SCN3A: variants seen among roughly 807,000 people sequenced by gnomAD.
SCN3A encodes sodium voltage-gated channel alpha subunit 3.
Under a neutral mutation model 187.6 loss-of-function variants are expected in SCN3A, and 60 were observed. The ratio of observed to expected loss-of-function variants is 0.32; its 90% CI spans 0.26 to 0.40. The LOEUF (loss-of-function observed/expected upper bound fraction) is 0.40. Ranked by LOEUF, SCN3A falls within the 10% of genes least tolerant of loss-of-function variation. The pLI is 1.00. For synonymous variants in SCN3A, 788 were observed against 829.2 expected, an observed-to-expected ratio of 0.95 and a Z score of 0.85; for missense variants, 1,601 against 2,428.2, an observed-to-expected ratio of 0.66 and a Z score of 7.16.
chr2:165,147,625 C>T (rs1688435152), intron 11 of SCN3A, among the ~76,000 whole-genome samples: 1 of 152,092 alleles, frequency 6.6e-6, no homozygotes, highest in African/African-American at 2.4e-5. Context: ...ATGTTACTCC[C>T]AGAGAATTTA....
intron 1 of SCN3A, among the ~76,000 whole-genome samples, chr2:165,202,699 G>A (rs1692396500): frequency 6.6e-6 from 1 of 152,022 alleles, no homozygotes; most frequent in Non-Finnish European, 1.5e-5. Context: ...CTTTTAGCCA[G>A]TACTGACTGG....
At chr2:165,126,171 T>C (rs1290415790) in intron 18 of SCN3A, among the ~76,000 whole-genome samples, 1 of 152,200 alleles carries the variant, frequency 6.6e-6, no homozygotes, top group Non-Finnish European at 1.5e-5. Context: ...GTGTCAACAT[T>C]ATACCCTCAA....
intron 15 of SCN3A, among the ~76,000 whole-genome samples, chr2:165,134,896 TA>T (rs1444872755): frequency 6.6e-6 from 1 of 152,006 alleles, no homozygotes; most frequent in East Asian, 1.9e-4. Flanking sequence ...TCAGCTCTTC[TA>T]AAATGACTAG....
chr2:165,126,600 G>GTTCC (rs59251454), intron 18 of SCN3A, among the ~76,000 whole-genome samples: 22,538 of 86,476 alleles, frequency 0.26, 2,482 homozygotes, highest in Middle Eastern at 0.43. Flanking sequence ...CCCTCCCTTC[G>GTTCC]TTCCTTCCTT....
At position 165,140,839 on chromosome 2, in the gene SCN3A, G is replaced by A. The variant is rs140885623; in HGVS notation, c.1831C>T (p.Leu611=). ...FEDSESRRDS[L]FVPHRHGERR... ...TCTCCATGTCTGTGCGGCACAAACAGTGAGTCTCTCCTGCTTTCGCTGTCT... is the reference window on the plus strand; with the variant it reads ...TCTCCATGTCTGTGCGGCACAAACAATGAGTCTCTCCTGCTTTCGCTGTCT... The change falls in exon 13 of 28, where the codon CTG becomes TTG. Residue 611 remains leucine, a synonymous_variant. Transcript: ENST00000283254. The surrounding 1 kb of genome is among the most constrained non-coding windows in gnomAD (Gnocchi z 4.2). 17 of 1,614,058 alleles carry A rather than the reference G, an allele frequency of 1.1e-5. No homozygotes were observed. The African/African-American group carries it at 1.7e-4, about 16-fold the overall frequency.
At chr2:165,094,511 T>G (rs1051581246) in intron 25 of SCN3A, 33 bp from the exon 26 acceptor site, 1 of 1,398,584 alleles carries the variant, frequency 7.2e-7, no homozygotes, top group Non-Finnish European at 1.0e-6. Flanking sequence ...GTTACAATTC[T>G]GTGTTCCAAT....
At chr2:165,117,254 A>G (rs1559197592) in intron 18 of SCN3A, among the ~76,000 whole-genome samples, 1 of 152,136 alleles carries the variant, frequency 6.6e-6, no homozygotes, top group East Asian at 1.9e-4. Context: ...AGTAATAACA[A>G]TAAGAAACCA....
intron 12 of SCN3A, 95 bp from the exon 13 acceptor site, chr2:165,141,093 GGA>G: frequency 1.3e-6 from 1 of 771,946 alleles, no homozygotes; most frequent in Non-Finnish European, 2.1e-6. Context: ...TGTTTTCTTT[GGA>G]GTTAGTATAC....
chr2:165,160,464 A>G (rs1689293190), intron 9 of SCN3A, among the ~76,000 whole-genome samples: 1 of 152,146 alleles, frequency 6.6e-6, no homozygotes, highest in African/African-American at 2.4e-5. Context: ...CTTAAGCCAT[A>G]ATAGGAATTC....
chr2:165,140,921 C>G lies in SCN3A; in HGVS notation c.1749G>C (p.Arg583=). ...SKTSIFSFRG[R]AKDVGSENDF... is the part of the protein sequence containing the mutation. ...CATTTTCAGATCCAACATCCTTTGC[C>G]CGACCTCTGAAACTGAAAATGCTTG... The change falls in exon 13 of 28, where the codon CGG becomes CGC. Residue 583 remains arginine, a synonymous_variant. Transcript: ENST00000283254. This position sits in a 1 kb window ranked among gnomAD's most constrained non-coding sequence, Gnocchi z 4.2. 6.2e-7 allele frequency: 1 copy of G among 1,614,032 alleles called. No individual in the cohort carries two copies. The highest frequency in any genetic ancestry group is 8.5e-7 in the Non-Finnish European group (1 of 1,179,992).
intron 5 of SCN3A, among the ~76,000 whole-genome samples, chr2:165,164,774 G>C (rs1048832038): frequency 3.9e-5 from 6 of 152,066 alleles, no homozygotes; most frequent in Non-Finnish European, 5.9e-5. Flanking sequence ...ATAGTTTCAT[G>C]TATCTTATGG....
rs115571026 is a variant in SCN3A at position 165,146,249 on chromosome 2, A to T, written c.1671+490T>A. 3.0e-3 allele frequency among the ~76,000 whole-genome samples: 457 copies of T among 152,062 alleles called. 3 individuals carry two copies. Among genetic ancestry groups the T allele is most frequent in the African/African-American group, 0.01 (436 of 41,540 alleles). On this transcript the variant is annotated intron_variant, in intron 12 of 27. Coordinates refer to ENST00000283254, the MANE Select transcript of SCN3A (RefSeq NM_006922.4). ...AATTTATATGTATGTTACGATCACA[A>T]CTTTGGATAACAAAGGCAGAAACCC...
chr2:165,111,181 A>G (rs1232141286), intron 21 of SCN3A, among the ~76,000 whole-genome samples: 1 of 152,062 alleles, frequency 6.6e-6, no homozygotes. Flanking sequence ...CTAAAAATAC[A>G]AAAAATTAGC....
intron 24 of SCN3A, among the ~76,000 whole-genome samples, chr2:165,096,070 AT>A (rs908141273): frequency 1.3e-5 from 2 of 152,002 alleles, no homozygotes; most frequent in Non-Finnish European, 2.9e-5. Context: ...TTTTATTTTT[AT>A]TTTCTAAATT....
At chr2:165,172,226 C>T (rs1457045645) in intron 3 of SCN3A, among the ~76,000 whole-genome samples, 1 of 152,006 alleles carries the variant, frequency 6.6e-6, no homozygotes, top group Non-Finnish European at 1.5e-5. Context: ...GACCATCAAG[C>T]CAACCATTAT....
In SCN3A at chr2:165,139,592, G is replaced by C. The variant is rs139860168; in HGVS notation, c.2036C>G (p.Thr679Arg). ...QLPPEGTTTE[T>R]EVRKRRLSSY... Reference sequence around the variant, plus strand: ...GCTTAACCTTCTCTTTCTGACTTCCGTTTCTGTGGTGGTGCCCTGCAAACC... The same window carrying C: ...GCTTAACCTTCTCTTTCTGACTTCCCTTTCTGTGGTGGTGCCCTGCAAACC... The change falls in exon 14 of 28, where the codon ACG becomes AGG. Residue 679 changes from threonine to arginine, a missense_variant. Physicochemically the swap from Thr to Arg is moderately conservative, Grantham distance 71. Coordinates refer to ENST00000283254, the MANE Select transcript of SCN3A (RefSeq NM_006922.4). The C allele has an allele frequency of 6.2e-7, 1 of 1,613,564 alleles. No homozygotes were observed. The highest frequency in any genetic ancestry group is 1.3e-5 in the African/African-American group (1 of 74,840).
At chr2:165,106,809 G>C (rs537287380) in intron 21 of SCN3A, among the ~76,000 whole-genome samples, 1 of 152,284 alleles carries the variant, frequency 6.6e-6, no homozygotes, top group Non-Finnish European at 1.5e-5. Context: ...AGAAGAAAAA[G>C]AGTGATGTAG....
chr2:165,136,917 C>G (rs890835017), intron 15 of SCN3A, among the ~76,000 whole-genome samples: 9 of 152,172 alleles, frequency 5.9e-5, no homozygotes, highest in Non-Finnish European at 1.5e-5. Context: ...TTCCTCAGGA[C>G]TGCCATGTTT....
intron 11 of SCN3A, among the ~76,000 whole-genome samples, chr2:165,151,491 T>C (rs1032107506): frequency 1.3e-5 from 2 of 152,102 alleles, no homozygotes; most frequent in Non-Finnish European, 2.9e-5. Flanking sequence ...ACAGACAAAA[T>C]ACATGTTACA....
Sources: gnomAD v4.1 joint callset for allele counts (sites outside exome capture counted in the v4.1 genomes callset) on GRCh38, gnomAD v4.1.1 for gene constraint, Gnocchi (gnomAD v3.1) non-coding constraint, MANE v1.5 for transcripts, NCBI Gene and HGNC (gene_info 2026-07-23, HGNC 2026-07-21) for gene names.